LSAMP: variants seen among roughly 807,000 people sequenced by gnomAD.
The protein encoded by LSAMP is limbic system associated membrane protein.
Under a neutral mutation model 38.6 loss-of-function variants are expected in LSAMP, and 7 were observed. The observed-to-expected ratio is 0.18, with a 90% CI of 0.10 to 0.34. The LOEUF (loss-of-function observed/expected upper bound fraction) is 0.34, where lower values mean the gene tolerates loss of function less well. LSAMP is among the 10% of genes least tolerant of loss of function. LSAMP has a pLI of 1.00. For synonymous variants in LSAMP, 154 were observed against 166.8 expected, an observed-to-expected ratio of 0.92 and a Z score of 0.59; for missense variants, 313 against 420.0, an observed-to-expected ratio of 0.75 and a Z score of 2.23.
chr3:116,284,458 G>C (rs1304100236), intron 1 of LSAMP, among the ~76,000 whole-genome samples: 1 of 152,146 alleles, frequency 6.6e-6, no homozygotes, highest in African/African-American at 2.4e-5. Flanking sequence ...CAATTTGCTA[G>C]TAATGCATTT....
At chr3:116,220,048 C>A (rs1468432395) in intron 1 of LSAMP, among the ~76,000 whole-genome samples, 1 of 152,082 alleles carries the variant, frequency 6.6e-6, no homozygotes, top group African/African-American at 2.4e-5. Context: ...GTGGCACATG[C>A]CAGTAGTCCC....
intron 3 of LSAMP, among the ~76,000 whole-genome samples, chr3:115,905,973 T>C (rs1360640808): frequency 6.6e-6 from 1 of 152,142 alleles, no homozygotes; most frequent in Non-Finnish European, 1.5e-5. Context: ...GACATGAGAC[T>C]AGTACAAGAC....
At position 115,882,441 on chromosome 3, in the gene LSAMP, G is replaced by T. The variant is rs1342430047; in HGVS notation, c.515-29824C>A. ...ATTTTTCCAGATACATTCTGATTCA[G>T]TAACTGCTGAATAATAAGTGGTTTT... On this transcript the variant is annotated intron_variant, in intron 3 of 6. Transcript: ENST00000490035. Among the ~76,000 whole-genome samples, 3 of 152,000 alleles carry T rather than the reference G, an allele frequency of 2.0e-5. No individual in the cohort carries two copies. In the East Asian group the frequency reaches 5.8e-4, roughly 29 times the overall value.
At chr3:116,020,832 G>A (rs903060389) in intron 2 of LSAMP, among the ~76,000 whole-genome samples, 2 of 152,186 alleles carry the variant, frequency 1.3e-5, no homozygotes, top group Non-Finnish European at 2.9e-5. Flanking sequence ...GAGAAAGTAT[G>A]TGTCTGGGGG....
At chr3:116,045,213 A>T (rs1013208463) in intron 2 of LSAMP, among the ~76,000 whole-genome samples, 15 of 152,254 alleles carry the variant, frequency 9.9e-5, no homozygotes, top group Admixed American at 9.8e-4. Context: ...GTAGAATAAA[A>T]GAGAAGAAAT....
chr3:115,859,113 G>GT (rs1260805941), intron 3 of LSAMP, among the ~76,000 whole-genome samples: 7 of 152,262 alleles, frequency 4.6e-5, no homozygotes, highest in Non-Finnish European at 8.8e-5. Context: ...ATTATTTGAG[G>GT]TTTTTGCTTC....
chr3:115,993,938 T>C (rs988505881), intron 3 of LSAMP, among the ~76,000 whole-genome samples: 2 of 152,154 alleles, frequency 1.3e-5, no homozygotes, highest in African/African-American at 2.4e-5. Context: ...AATGCAGAGA[T>C]GTCTTCTAGG....
At chr3:115,998,422 T>C (rs1415714890) in intron 3 of LSAMP, among the ~76,000 whole-genome samples, 1 of 152,086 alleles carries the variant, frequency 6.6e-6, no homozygotes, top group Non-Finnish European at 1.5e-5. Flanking sequence ...GGGATTGAAC[T>C]GGTGTTTAGC....
rs577287988 is a variant in LSAMP, at chr3:116,386,903, A to G, written c.155+57974T>C. 3.3e-5 allele frequency among the ~76,000 whole-genome samples: 5 copies of G among 152,328 alleles called. No individual in the cohort carries two copies. The South Asian group carries it at 1.0e-3, about 32-fold the overall frequency. ...AATTTTGATAGATGGAGGCTGAAAC[A>G]ATGAAGGAGGAGAAGTAAACATCTG... On this transcript the variant is annotated intron_variant, in intron 1 of 6. Transcript: ENST00000490035.
intron 2 of LSAMP, among the ~76,000 whole-genome samples, chr3:116,060,827 G>A (rs995599428): frequency 5.9e-5 from 9 of 151,466 alleles, no homozygotes; most frequent in East Asian, 1.9e-4. Context: ...CATTCATTTC[G>A]CAAAATTTTG....
intron 3 of LSAMP, among the ~76,000 whole-genome samples, chr3:115,928,681 G>GGT (rs149591505): frequency 0.18 from 26,553 of 150,474 alleles, 2,415 homozygotes; most frequent in African/African-American, 0.24. Flanking sequence ...CAGAGTGCAG[G>GGT]GGGTGAGGAG....
intron 1 of LSAMP, among the ~76,000 whole-genome samples, chr3:116,113,418 A>ATTTTTTTT (rs1409685565): frequency 1.8e-5 from 1 of 55,492 alleles, no homozygotes; most frequent in Non-Finnish European, 3.0e-5. Flanking sequence ...ATATATATAT[A>ATTTTTTTT]TATTTTTTTT....
chr3:116,287,640 A>T (rs1389451600), intron 1 of LSAMP, among the ~76,000 whole-genome samples: 2 of 152,220 alleles, frequency 1.3e-5, no homozygotes, highest in African/African-American at 4.8e-5. Context: ...ATAAATGTAG[A>T]AAAGGAATGA....
At chr3:116,179,590 G>C (rs546446642) in intron 1 of LSAMP, among the ~76,000 whole-genome samples, 1 of 152,250 alleles carries the variant, frequency 6.6e-6, no homozygotes, top group African/African-American at 2.4e-5. Flanking sequence ...TGCTGAAAGG[G>C]GAAGCAGGCA....
intron 1 of LSAMP, among the ~76,000 whole-genome samples, chr3:116,395,503 T>C (rs1049168411): frequency 2.6e-5 from 4 of 152,210 alleles, no homozygotes; most frequent in Admixed American, 6.5e-5. Flanking sequence ...AGTCCGGCTG[T>C]CTGGGTGCAG....
At chr3:116,166,842 G>C (rs1355820419) in intron 1 of LSAMP, among the ~76,000 whole-genome samples, 1 of 143,042 alleles carries the variant, frequency 7.0e-6, no homozygotes, top group Non-Finnish European at 1.5e-5. Context: ...CCAGGCTGGA[G>C]TGCAGTGGCG....
intron 1 of LSAMP, among the ~76,000 whole-genome samples, chr3:116,158,051 A>G (rs1709796853): frequency 1.3e-5 from 2 of 152,188 alleles, no homozygotes; most frequent in Non-Finnish European, 2.9e-5. Context: ...TTGGTTCAAC[A>G]TACACAAATC....
intron 1 of LSAMP, among the ~76,000 whole-genome samples, chr3:116,106,801 G>A (rs1404104775): frequency 2.0e-5 from 3 of 152,086 alleles, no homozygotes; most frequent in Admixed American, 6.6e-5. Context: ...TTTAGTTTTT[G>A]TTACTCAGGG....
At chr3:116,041,222 T>A (rs1285359437) in intron 2 of LSAMP, among the ~76,000 whole-genome samples, 1 of 152,104 alleles carries the variant, frequency 6.6e-6, no homozygotes, top group Non-Finnish European at 1.5e-5. Context: ...CCATGCCTGA[T>A]CCTACATATT....
Sources: gnomAD v4.1 joint callset for allele counts (sites outside exome capture counted in the v4.1 genomes callset) on GRCh38, gnomAD v4.1.1 for gene constraint, MANE v1.5 for transcripts, NCBI Gene and HGNC (gene_info 2026-07-23, HGNC 2026-07-21) for gene names.